SLCO1B1: variants seen among roughly 807,000 people sequenced by gnomAD.
SLCO1B1 encodes OATP-2.
In SLCO1B1, 81 loss-of-function variants were observed where a neutral mutation model predicts 70.1. The ratio of observed to expected loss-of-function variants is 1.16; its 90% CI spans 0.97 to 1.39. The LOEUF (loss-of-function observed/expected upper bound fraction) is 1.39, where lower values mean the gene tolerates loss of function less well. Ranked by LOEUF, SLCO1B1 falls within the 40% of genes most tolerant of loss-of-function variation. SLCO1B1 has a pLI of 0.00. For missense variants in SLCO1B1, 895 were observed against 799.6 expected, an observed-to-expected ratio of 1.12 and a Z score of -1.44; for synonymous variants, 283 against 271.5, an observed-to-expected ratio of 1.04 and a Z score of -0.42.
chr12:21,158,424 C>T (rs1173884942), intron 2 of SLCO1B1, among the ~76,000 whole-genome samples: 1 of 151,986 alleles, frequency 6.6e-6, no homozygotes. Context: ...AGGCTAGGTG[C>T]GTGGCTCATG....
chr12:21,227,189 C>T (rs1941490672), intron 14 of SLCO1B1, among the ~76,000 whole-genome samples: 1 of 151,930 alleles, frequency 6.6e-6, no homozygotes, highest in African/African-American at 2.4e-5. Context: ...TTGGAAGCAA[C>T]TTAAATATCT....
At position 21,159,253 on chromosome 12, in the gene SLCO1B1, A is replaced by G. The variant is rs984490354; in HGVS notation, c.85-13397A>G. Among the ~76,000 whole-genome samples the G allele has an allele frequency of 5.3e-5, 8 of 152,284 alleles. No individual in the cohort carries two copies. The South Asian group carries it at 1.7e-3, about 32-fold the overall frequency. On this transcript the variant is annotated intron_variant, in intron 2 of 14. Coordinates refer to ENST00000256958, the MANE Select transcript of SLCO1B1 (RefSeq NM_006446.5). ...TTAGCATATTTTCATTATTAAAAAC[A>G]AAACTTGCCAATAGATATAAGAAAA...
At chr12:21,152,363 T>A (rs943910869) in intron 2 of SLCO1B1, among the ~76,000 whole-genome samples, 1 of 151,798 alleles carries the variant, frequency 6.6e-6, no homozygotes, top group Non-Finnish European at 1.5e-5. Context: ...CCTTTCTGTA[T>A]CTGAGTTTGG....
chr12:21,221,368 A>G (rs1397192171), intron 12 of SLCO1B1, among the ~76,000 whole-genome samples: 4 of 152,100 alleles, frequency 2.6e-5, no homozygotes, highest in African/African-American at 9.7e-5. Context: ...GAGGAACTCA[A>G]ATAAACTCTG....
intron 7 of SLCO1B1, 22 bp downstream of exon 7, chr12:21,179,042 T>C (rs1363278635): frequency 1.4e-6 from 2 of 1,459,520 alleles, no homozygotes; most frequent in South Asian, 1.1e-5. Context: ...CAGAACAAGG[T>C]ACCATGATAA....
At chr12:21,132,333 T>A (rs1238024848) in intron 1 of SLCO1B1, among the ~76,000 whole-genome samples, 1 of 152,206 alleles carries the variant, frequency 6.6e-6, no homozygotes, top group African/African-American at 2.4e-5. Flanking sequence ...TGATTTATAA[T>A]CCCTTGGGTA....
chr12:21,215,144 C>A (rs1360893056), intron 11 of SLCO1B1, among the ~76,000 whole-genome samples: 1 of 152,150 alleles, frequency 6.6e-6, no homozygotes. Context: ...AATGTGAGTT[C>A]ATTTCCTATT....
intron 2 of SLCO1B1, among the ~76,000 whole-genome samples, chr12:21,143,551 C>G (rs1436801269): frequency 6.6e-6 from 1 of 151,962 alleles, no homozygotes; most frequent in Non-Finnish European, 1.5e-5. Flanking sequence ...TACCATAATT[C>G]TATCAACTGG....
intron 10 of SLCO1B1, among the ~76,000 whole-genome samples, chr12:21,203,603 G>T (rs1279438748): frequency 6.6e-6 from 1 of 151,984 alleles, no homozygotes; most frequent in Non-Finnish European, 1.5e-5. Context: ...TAAACATTGT[G>T]CTATTCTTGG....
At chr12:21,134,051 G>T (rs1940179486) in intron 1 of SLCO1B1, among the ~76,000 whole-genome samples, 1 of 152,136 alleles carries the variant, frequency 6.6e-6, no homozygotes, top group Non-Finnish European at 1.5e-5. Flanking sequence ...AAGGGTTGTT[G>T]AATTTTGTCA....
intron 7 of SLCO1B1, among the ~76,000 whole-genome samples, chr12:21,196,555 T>A (rs920464305): frequency 1.3e-5 from 2 of 152,188 alleles, no homozygotes; most frequent in African/African-American, 4.8e-5. Flanking sequence ...ATTTCATTGC[T>A]GACCCTTTCT....
chr12:21,138,559 AC>A (rs1243206885), intron 1 of SLCO1B1, among the ~76,000 whole-genome samples: 1 of 152,202 alleles, frequency 6.6e-6, no homozygotes, highest in East Asian at 1.9e-4. Flanking sequence ...GAAATGAGGA[AC>A]AAAGTGTCCA....
At chr12:21,215,764 A>G (rs1201757901) in intron 11 of SLCO1B1, among the ~76,000 whole-genome samples, 1 of 152,188 alleles carries the variant, frequency 6.6e-6, no homozygotes, top group Non-Finnish European at 1.5e-5. Flanking sequence ...TCAATTTTTC[A>G]GAATAATTTA....
intron 10 of SLCO1B1, among the ~76,000 whole-genome samples, chr12:21,204,754 G>A (rs1275417151): frequency 6.6e-6 from 1 of 151,790 alleles, no homozygotes; most frequent in Non-Finnish European, 1.5e-5. Context: ...CAAGGTGATG[G>A]CACTTTTGGT....
At chr12:21,213,776 T>G (rs1217672623) in intron 11 of SLCO1B1, among the ~76,000 whole-genome samples, 1 of 149,216 alleles carries the variant, frequency 6.7e-6, no homozygotes, top group Non-Finnish European at 1.5e-5. Context: ...TTTTATTCTT[T>G]TTTCTCTAAA....
intron 7 of SLCO1B1, among the ~76,000 whole-genome samples, chr12:21,189,927 A>G (rs1440369439): frequency 6.6e-6 from 1 of 152,212 alleles, no homozygotes; most frequent in Non-Finnish European, 1.5e-5. Flanking sequence ...GGTTAAGAAT[A>G]GTCACCCTGC....
intron 1 of SLCO1B1, among the ~76,000 whole-genome samples, chr12:21,133,046 C>T (rs1230937490): frequency 1.3e-5 from 2 of 152,128 alleles, no homozygotes; most frequent in Admixed American, 1.3e-4. Context: ...CAGCTTTCTA[C>T]ATATGGCTTG....
intron 14 of SLCO1B1, among the ~76,000 whole-genome samples, chr12:21,238,764 A>T (rs186465686): frequency 5.5e-4 from 83 of 152,272 alleles, no homozygotes; most frequent in Admixed American, 1.4e-3. Flanking sequence ...GAAGAAGGCC[A>T]GAGGCAACTA....
At position 21,138,859 on chromosome 12, in the gene SLCO1B1, G is replaced by T. The variant is rs76610482; in HGVS notation, c.-61-2655G>T. 1.8e-3 allele frequency among the ~76,000 whole-genome samples: 275 copies of T among 152,258 alleles called. 5 individuals are homozygous for T. In the East Asian group the frequency reaches 0.032, roughly 18 times the overall value. On this transcript the variant is annotated intron_variant, in intron 1 of 14. Transcript: ENST00000256958. ...GGACTGTGGTTTCATGTGTCTGCAGGTGCTATGGGTATATTGAGAATGGTT... is the reference window on the plus strand; with the variant it reads ...GGACTGTGGTTTCATGTGTCTGCAGTTGCTATGGGTATATTGAGAATGGTT...
Sources: gnomAD v4.1 joint callset for allele counts (sites outside exome capture counted in the v4.1 genomes callset) on GRCh38, gnomAD v4.1.1 for gene constraint, MANE v1.5 for transcripts, NCBI Gene and HGNC (gene_info 2026-07-23, HGNC 2026-07-21) for gene names.